CEP128: variants seen among roughly 807,000 people sequenced by gnomAD.
CEP128 encodes the protein centrosomal protein 128kDa.
CEP128 carries 132 observed loss-of-function variants against 156.7 expected under a neutral mutation model. The ratio of observed to expected loss-of-function variants is 0.84; its 90% CI spans 0.73 to 0.97. The LOEUF (loss-of-function observed/expected upper bound fraction) is 0.97. Ranked by LOEUF, CEP128 falls within the 50% of genes least tolerant of loss-of-function variation. The pLI is 0.00. For missense variants in CEP128, 1,252 were observed against 1,281.9 expected (o/e 0.98, Z 0.36); for synonymous variants, 469 against 448.9 (o/e 1.04, Z -0.57).
At chr14:80,623,130 T>TA (rs929719733) in intron 19 of CEP128, among the ~76,000 whole-genome samples, 1 of 151,366 alleles carries the variant, frequency 6.6e-6, no homozygotes, top group African/African-American at 2.4e-5. Flanking sequence ...TATGCAGCCA[T>TA]AAAAAATGAT....
intron 13 of CEP128, among the ~76,000 whole-genome samples, chr14:80,793,334 T>C (rs1272367759): frequency 6.6e-6 from 1 of 152,198 alleles, no homozygotes; most frequent in Non-Finnish European, 1.5e-5. Flanking sequence ...GACTATTTTA[T>C]CATCCAAAAA....
At chr14:80,815,033 T>C (rs1595444999) in intron 13 of CEP128, among the ~76,000 whole-genome samples, 1 of 151,982 alleles carries the variant, frequency 6.6e-6, no homozygotes, top group African/African-American at 2.4e-5. Context: ...ACTCCAGCCT[T>C]GGCAACAGAG....
chr14:80,941,951 T>C (rs79592288), upstream of CEP128, among the ~76,000 whole-genome samples: 1 of 142,794 alleles, frequency 7.0e-6, no homozygotes, highest in Non-Finnish European at 1.6e-5. Flanking sequence ...CCCTGCTCTA[T>C]TTTTTTTTTT....
intron 21 of CEP128, among the ~76,000 whole-genome samples, chr14:80,539,579 C>T (rs1889647827): frequency 6.6e-6 from 1 of 152,100 alleles, no homozygotes; most frequent in South Asian, 2.1e-4. Context: ...GTTAACTGTA[C>T]AAATTGATTG....
intron 22 of CEP128, chr14:80,527,263 T>C (rs1046596547): frequency 8.4e-6 from 4 of 476,798 alleles, no homozygotes; most frequent in Non-Finnish European, 1.2e-5. Context: ...ACCTCACCTC[T>C]ACAAAAAAAT....
At chr14:80,874,573 T>G (rs1416668735) in intron 8 of CEP128, among the ~76,000 whole-genome samples, 3 of 152,150 alleles carry the variant, frequency 2.0e-5, no homozygotes, top group Non-Finnish European at 4.4e-5. Flanking sequence ...ACTAGATAAT[T>G]CAGTTGAAAG....
At chr14:80,795,070 A>G (rs1335363329) in intron 13 of CEP128, among the ~76,000 whole-genome samples, 1 of 152,208 alleles carries the variant, frequency 6.6e-6, no homozygotes, top group African/African-American at 2.4e-5. Flanking sequence ...AACTTGCTCA[A>G]GATCACACAG....
At chr14:80,577,553 G>A (rs1478292374) in intron 20 of CEP128, among the ~76,000 whole-genome samples, 1 of 152,054 alleles carries the variant, frequency 6.6e-6, no homozygotes, top group African/African-American at 2.4e-5. Context: ...ATATTAAGAA[G>A]TCACCCACTC....
In CEP128 at chr14:80,836,311, C is replaced by T. The variant is rs1674557; in HGVS notation, c.951G>A (p.Thr317=). 5,918 of 1,614,006 alleles carry T rather than the reference C, an allele frequency of 3.7e-3. 98 individuals carry two copies. In the African/African-American group the frequency reaches 0.043, roughly 12 times the overall value. The change falls in exon 12 of 25, where the codon ACG becomes ACA. Residue 317 remains threonine (T), a synonymous_variant. Coordinates refer to ENST00000555265, the MANE Select transcript of CEP128 (RefSeq NM_152446.5). ...AACCCTTTCGATCACCTTCTGCTTT[C>T]GTAAGTTGTGTACGCAGTTCTTCTA... ...HQVEELRTQL[T]KAEGDRKGLQ...
chr14:80,761,292 C>A (rs950082480), intron 17 of CEP128, 145 bp downstream of exon 17: 8 of 555,774 alleles, frequency 1.4e-5, no homozygotes, highest in Admixed American at 9.5e-5. Context: ...AGATCCAGCG[C>A]CTTATTCTAA....
chr14:80,585,116 CATT>C (rs1162955670), intron 19 of CEP128, among the ~76,000 whole-genome samples: 2 of 152,302 alleles, frequency 1.3e-5, no homozygotes, highest in South Asian at 2.1e-4. Flanking sequence ...GATACTCACT[CATT>C]ATGACATAAA....
intron 4 of CEP128, among the ~76,000 whole-genome samples, chr14:80,908,644 T>G (rs1851220258): frequency 6.6e-6 from 1 of 152,252 alleles, no homozygotes; most frequent in Non-Finnish European, 1.5e-5. Context: ...TATTGTCTGC[T>G]TCTTCCCTTG....
intron 1 of CEP128, among the ~76,000 whole-genome samples, chr14:80,959,173 G>A (rs1392329348): frequency 6.6e-6 from 1 of 152,048 alleles, no homozygotes; most frequent in Non-Finnish European, 1.5e-5. Flanking sequence ...CTCCCCTCCA[G>A]AAGGGTATGA....
chr14:80,672,374 T>C (rs1290200431), intron 19 of CEP128, among the ~76,000 whole-genome samples: 1 of 150,932 alleles, frequency 6.6e-6, no homozygotes, highest in Non-Finnish European at 1.5e-5. Context: ...ATCACAGAAT[T>C]GCTGATGCTA....
intron 8 of CEP128, among the ~76,000 whole-genome samples, chr14:80,878,115 G>A (rs924826632): frequency 4.6e-5 from 7 of 152,122 alleles, no homozygotes; most frequent in African/African-American, 1.7e-4. Flanking sequence ...TCCCCCAGCA[G>A]GGACCCTGGT....
chr14:80,546,479 A>G (rs1422450325), intron 21 of CEP128, among the ~76,000 whole-genome samples: 1 of 152,226 alleles, frequency 6.6e-6, no homozygotes, highest in African/African-American at 2.4e-5. Context: ...ATGTAGAAGT[A>G]GGAGCTTTGA....
upstream of CEP128, chr14:80,942,449 A>T (rs1886205940): frequency 6.6e-6 from 1 of 152,226 alleles, no homozygotes; most frequent in African/African-American, 2.4e-5. Flanking sequence ...TGAAAACCTC[A>T]ATAAAAAACT....
intron 19 of CEP128, among the ~76,000 whole-genome samples, chr14:80,624,175 CTT>C (rs1893609863): frequency 6.6e-6 from 1 of 152,138 alleles, no homozygotes; most frequent in Non-Finnish European, 1.5e-5. Flanking sequence ...AACACGCAGT[CTT>C]TATCTTTCTG....
chr14:80,877,456 G>T (rs950311543), intron 8 of CEP128, among the ~76,000 whole-genome samples: 3 of 152,128 alleles, frequency 2.0e-5, no homozygotes, highest in Non-Finnish European at 4.4e-5. Context: ...TAAAAAAAAT[G>T]TATAAGATAT....
Sources: allele counts gnomAD v4.1 joint callset (sites outside exome capture counted in the v4.1 genomes callset), GRCh38; gene constraint gnomAD v4.1.1; transcripts MANE v1.5; gene names NCBI Gene and HGNC (gene_info 2026-07-23, HGNC 2026-07-21).